The following GAREM1 variants were observed in gnomAD, a reference collection of about 807,000 sequenced individuals.
The protein encoded by GAREM1 is GRB2 associated regulator of MAPK1 subtype 1, also known as GRB2-associated and regulator of MAPK protein 1.
GAREM1 carries 26 observed loss-of-function variants against 71.3 expected under a neutral mutation model. The ratio of observed to expected loss-of-function variants is 0.36; its 90% CI spans 0.27 to 0.51. The LOEUF (loss-of-function observed/expected upper bound fraction) is 0.51, where lower values mean the gene tolerates loss of function less well. Among genes scored for constraint, GAREM1 ranks in the 20% least tolerant of loss-of-function variants. GAREM1 has a pLI of 0.95. For missense variants in GAREM1, 1,026 were observed against 1,103.1 expected (o/e 0.93, Z 0.99); for synonymous variants, 440 against 433.2 (o/e 1.02, Z -0.20).
chr18:32,393,149 C>A (rs2048219287), intron 1 of GAREM1, 114 bp from the exon 2 acceptor site: 2 of 977,122 alleles, frequency 2.0e-6, no homozygotes, highest in Non-Finnish European at 2.9e-6. Context: ...GACAGTTCAT[C>A]CCAAGATGAG....
intron 2 of GAREM1, among the ~76,000 whole-genome samples, chr18:32,364,026 ATGTTTTT>A (rs1411636628): frequency 4.3e-5 from 2 of 46,418 alleles, no homozygotes; most frequent in African/African-American, 3.3e-4. Context: ...ATATATATAT[ATGTTTTT>A]TTTTTTTTTT....
At chr18:32,276,935 G>T (rs940607578) in intron 4 of GAREM1, among the ~76,000 whole-genome samples, 2 of 152,236 alleles carry the variant, frequency 1.3e-5, no homozygotes, top group African/African-American at 4.8e-5. Flanking sequence ...TGCTCACAGA[G>T]CAGAATCATG....
At chr18:32,455,593 C>T (rs2048879723) in intron 1 of GAREM1, among the ~76,000 whole-genome samples, 1 of 152,124 alleles carries the variant, frequency 6.6e-6, no homozygotes, top group South Asian at 2.1e-4. Flanking sequence ...ACTGCCAAAG[C>T]ATCTGGACTA....
chr18:32,311,651 G>A (rs2047325535), intron 2 of GAREM1, among the ~76,000 whole-genome samples: 1 of 152,198 alleles, frequency 6.6e-6, no homozygotes, highest in Admixed American at 6.5e-5. Flanking sequence ...GGAATTCTAA[G>A]ACTAGGCAAC....
intron 1 of GAREM1, among the ~76,000 whole-genome samples, chr18:32,450,901 G>A (rs4644922): frequency 0.071 from 10,804 of 152,142 alleles, 396 homozygotes; most frequent in South Asian, 0.087. Context: ...GGTAATCCCA[G>A]CACTTTGGAA....
intron 1 of GAREM1, among the ~76,000 whole-genome samples, chr18:32,419,927 T>G (rs1162434621): frequency 1.3e-5 from 2 of 152,192 alleles, no homozygotes; most frequent in African/African-American, 2.4e-5. Flanking sequence ...CTTTGAGATA[T>G]TATGATACGA....
At chr18:32,434,206 A>C (rs2048652816) in intron 1 of GAREM1, among the ~76,000 whole-genome samples, 1 of 152,212 alleles carries the variant, frequency 6.6e-6, no homozygotes, top group Non-Finnish European at 1.5e-5. Flanking sequence ...GGACTATCAA[A>C]AAGAACCTTG....
intron 1 of GAREM1, among the ~76,000 whole-genome samples, chr18:32,448,681 T>C (rs1449004350): frequency 6.6e-6 from 1 of 152,226 alleles, no homozygotes; most frequent in African/African-American, 2.4e-5. Flanking sequence ...TATGTATGTA[T>C]TTATGTACCT....
chr18:32,344,548 T>A (rs1239237199), intron 2 of GAREM1, among the ~76,000 whole-genome samples: 1 of 152,192 alleles, frequency 6.6e-6, no homozygotes, highest in Non-Finnish European at 1.5e-5. Context: ...CTGCTCACTA[T>A]GCTGAGTATA....
chr18:32,371,504 A>C (rs2047979507), intron 2 of GAREM1, among the ~76,000 whole-genome samples: 1 of 152,200 alleles, frequency 6.6e-6, no homozygotes, highest in South Asian at 2.1e-4. Context: ...AGAAGATAGA[A>C]TCAGTGGGAT....
chr18:32,436,122 T>C (rs1037341987), intron 1 of GAREM1, among the ~76,000 whole-genome samples: 3 of 152,180 alleles, frequency 2.0e-5, no homozygotes, highest in Admixed American at 6.5e-5. Context: ...TGAATAAAGA[T>C]GGTATACGGT....
intron 1 of GAREM1, among the ~76,000 whole-genome samples, chr18:32,434,326 A>G (rs530034781): frequency 1.4e-4 from 21 of 152,296 alleles, no homozygotes; most frequent in Middle Eastern, 3.4e-3. Flanking sequence ...TTAGATATAC[A>G]TATATTTCCT....
chr18:32,447,814 C>T lies in GAREM1; in HGVS notation c.121+22494G>A, dbSNP rs548396009. Among the ~76,000 whole-genome samples the T allele has an allele frequency of 1.2e-4, 19 of 152,242 alleles. 1 individual carries two copies. Among genetic ancestry groups the T allele is most frequent in the African/African-American group, 4.1e-4 (17 of 41,564 alleles). On this transcript the variant is annotated intron_variant, in intron 1 of 5. Transcript: ENST00000269209. ...ATTGGTTTTATTTCTACAGACATTT[C>T]TCAAGTCATATTAATTAAAAGATGT...
intron 1 of GAREM1, among the ~76,000 whole-genome samples, chr18:32,444,666 T>C (rs1229560760): frequency 6.6e-6 from 1 of 152,066 alleles, no homozygotes; most frequent in Non-Finnish European, 1.5e-5. Flanking sequence ...AACTAAGCCG[T>C]CCCTGGGAAC....
chr18:32,418,840 CG>C (rs1315194556), intron 1 of GAREM1, among the ~76,000 whole-genome samples: 1 of 152,100 alleles, frequency 6.6e-6, no homozygotes, highest in Non-Finnish European at 1.5e-5. Context: ...CAATAATCAG[CG>C]TAAGTAGACA....
intron 2 of GAREM1, among the ~76,000 whole-genome samples, chr18:32,357,870 C>A (rs1157058776): frequency 6.6e-6 from 1 of 152,138 alleles, no homozygotes. Context: ...AGAAAAACAG[C>A]AGAACACACA....
intron 2 of GAREM1, among the ~76,000 whole-genome samples, chr18:32,315,652 T>A (rs1162000381): frequency 3.9e-5 from 6 of 152,126 alleles, no homozygotes; most frequent in African/African-American, 1.4e-4. Flanking sequence ...TCCATGTGGC[T>A]ACTGGCTGTC....
At chr18:32,457,209 GA>G (rs1450380932) in intron 1 of GAREM1, among the ~76,000 whole-genome samples, 2 of 88,780 alleles carry the variant, frequency 2.3e-5, no homozygotes, top group Non-Finnish European at 4.7e-5. Context: ...TAGGGGGGGA[GA>G]GAGAGAGAGA....
intron 2 of GAREM1, among the ~76,000 whole-genome samples, chr18:32,341,976 G>A (rs2144576421): frequency 6.6e-6 from 1 of 152,014 alleles, no homozygotes; most frequent in Admixed American, 6.6e-5. Context: ...GGATGACAAA[G>A]TGAGGTGGAG....
Sources: allele counts gnomAD v4.1 joint callset (sites outside exome capture counted in the v4.1 genomes callset), GRCh38; gene constraint gnomAD v4.1.1; transcripts MANE v1.5; gene names NCBI Gene and HGNC (gene_info 2026-07-23, HGNC 2026-07-21).